Variants in RAB5IF observed in about 807,000 individuals in gnomAD.
RAB5IF encodes GEL complex subunit OPTI.
RAB5IF carries 15 observed loss-of-function variants against 20.3 expected under a neutral mutation model. The ratio of observed to expected loss-of-function variants is 0.74; its 90% confidence interval spans 0.50 to 1.14. The LOEUF is 1.14. Ranked by LOEUF, RAB5IF falls within the 50% of genes most tolerant of loss-of-function variation. The pLI, the probability that RAB5IF is intolerant of heterozygous loss-of-function variation, is 0.00. For synonymous variants in RAB5IF, 67 were observed against 63.7 expected (o/e 1.05, Z -0.25); for missense variants, 148 against 159.5 (o/e 0.93, Z 0.39).
At chr20:36,606,551 T>G (rs1033453405) in intron 1 of RAB5IF, among the ~76,000 whole-genome samples, 4 of 152,182 alleles carry the variant, frequency 2.6e-5, no homozygotes, top group African/African-American at 9.7e-5. Flanking sequence ...TGTGGTACAT[T>G]AAAGCCTTTT....
rs60975859 is a variant in RAB5IF at position 36,611,493 on chromosome 20, C to CAAA, written c.349-497_349-495dup. Among the ~76,000 whole-genome samples the CAAA allele has an allele frequency of 6.7e-3, 311 of 46,410 alleles. 3 individuals are homozygous for CAAA. The highest frequency in any genetic ancestry group is 0.019 in the African/African-American group (280 of 14,410). 30.4% of individuals were successfully genotyped at this position (46,410 alleles called of 152,430 possible). A position where few individuals can be genotyped will look rare whatever the true frequency, so the allele number is the denominator to read the frequency against. On this transcript the variant is annotated intron_variant, in intron 3 of 3. Coordinates refer to ENST00000344795, the MANE Select transcript of RAB5IF (RefSeq NM_018840.5). ...GTACCTGTTGAGTCCCAGCAGGACT[C>CAAA]AAAAAAAAAAAAAAAAAAAAAACCA...
chr20:36,610,176 C>T (rs575414995), intron 3 of RAB5IF, among the ~76,000 whole-genome samples: 47 of 151,144 alleles, frequency 3.1e-4, no homozygotes, highest in African/African-American at 1.1e-3. Context: ...CCCAGCTACT[C>T]CGGAGGCCGA....
Position 36,612,095 on chromosome 20 carries a change from CT to C in RAB5IF, c.*45del, listed in dbSNP as rs924073294. The C allele has an allele frequency of 3.1e-6, 5 of 1,614,074 alleles. No individual in the cohort carries two copies. The African/African-American group carries it at 6.7e-5, about 22-fold the overall frequency. ...TGCTCCCTATCCAGTCCAAAGGACC[CT>C]CTTGATTACAGCACAGGAACTTGAT... On this transcript the variant is annotated 3_prime_UTR_variant, in exon 4 of 4. Transcript: ENST00000344795.
intron 3 of RAB5IF, 166 bp downstream of exon 3, chr20:36,609,896 T>A (rs776700716): frequency 2.5e-6 from 3 of 1,185,306 alleles, no homozygotes; most frequent in Non-Finnish European, 3.6e-6. Context: ...TCCCAGAAGA[T>A]GTGGTCTGAT....
chr20:36,607,893 A>G, intron 2 of RAB5IF, 75 bp downstream of exon 2: 2 of 1,590,986 alleles, frequency 1.3e-6, no homozygotes, highest in South Asian at 1.1e-5. Context: ...GTTACAGGAA[A>G]GGCCATTGCT....
At position 36,606,044 on chromosome 20, in the gene RAB5IF, C is replaced by G; in HGVS notation, c.93C>G (p.Ser31Arg). 6.6e-7 allele frequency: 1 copy of G among 1,514,686 alleles called. No individual in the cohort carries two copies. The highest frequency in any genetic ancestry group is 1.8e-4 in the Middle Eastern group (1 of 5,474). The allele number at this position is 1,514,686 out of a possible 1,614,324, so 93.8% of individuals were successfully genotyped here. A position where few individuals can be genotyped will look rare whatever the true frequency, so the allele number is the denominator to read the frequency against. Residue 31 changes from serine to arginine, a missense_variant, in exon 1 of 4, where the codon AGC (serine) becomes AGG (arginine). Ser to Arg is a moderately radical substitution (Grantham distance 110, BLOSUM62 -1). Coordinates refer to ENST00000344795, the MANE Select transcript of RAB5IF (RefSeq NM_018840.5). ...CCGTCTGGAGTAAGGTGCTGCGGAG[C>G]GACGCGGCCTGGGAGGATAAGGTAC... ...KVSVWSKVLR[S>R]DAAWEDKDEF...
chr20:36,609,544 G>A (rs2039058997), intron 2 of RAB5IF, 57 bp from the exon 3 acceptor site: 7 of 1,524,980 alleles, frequency 4.6e-6, no homozygotes, highest in Non-Finnish European at 6.2e-6. Flanking sequence ...CCGGCCCCGA[G>A]TTCTGAGTCT....
intron 1 of RAB5IF, 71 bp from the exon 2 acceptor site, chr20:36,607,644 A>G: frequency 1.9e-6 from 3 of 1,576,256 alleles, no homozygotes; most frequent in Non-Finnish European, 2.6e-6. Flanking sequence ...AGAAAGGTTT[A>G]ATATTCTCCC....
At chr20:36,610,729 C>G (rs1600807947) in intron 3 of RAB5IF, among the ~76,000 whole-genome samples, 1 of 151,626 alleles carries the variant, frequency 6.6e-6, no homozygotes, top group Admixed American at 6.6e-5. Context: ...AGTCCTGATA[C>G]ATGCTATATA....
intron 2 of RAB5IF, 119 bp downstream of exon 2, chr20:36,607,937 G>A: frequency 6.5e-7 from 1 of 1,533,492 alleles, no homozygotes; most frequent in Non-Finnish European, 8.8e-7. Flanking sequence ...GATGACTAAA[G>A]CAAAGAAGCA....
In RAB5IF at chr20:36,612,129, G is replaced by T; in HGVS notation, c.*78G>T. 6.2e-7 allele frequency: 1 copy of T among 1,614,170 alleles called. No individual in the cohort carries two copies. The highest frequency in any genetic ancestry group is 1.3e-5 in the African/African-American group (1 of 75,034). ...ACAGCACAGGAACTTGATCGTTGGG[G>T]AACCCCAGCCCCTTGGAACTTGGAA... On this transcript the variant is annotated 3_prime_UTR_variant, in exon 4 of 4. Coordinates refer to ENST00000344795, the MANE Select transcript of RAB5IF (RefSeq NM_018840.5).
rs2039143834 is a variant in RAB5IF, at chr20:36,612,272, C to CATCA, written c.*222_*225dup. 8.4e-6 allele frequency: 13 copies of CATCA among 1,543,426 alleles called. No individual in the cohort carries two copies. Among genetic ancestry groups the CATCA allele is most frequent in the South Asian group, 1.1e-5 (1 of 89,584 alleles). On this transcript the variant is annotated 3_prime_UTR_variant, in exon 4 of 4. Transcript: ENST00000344795. Reference sequence around the variant, plus strand: ...TTGGGGAAGCATTTCTGAATTTATCCATCACCAACCATTTCTTCTTGGATA... The same window carrying CATCA: ...TTGGGGAAGCATTTCTGAATTTATCCATCAATCACCAACCATTTCTTCTTGGATA...
intron 1 of RAB5IF, among the ~76,000 whole-genome samples, chr20:36,606,485 C>T (rs1012146410): frequency 6.6e-6 from 1 of 152,198 alleles, no homozygotes; most frequent in Non-Finnish European, 1.5e-5. Flanking sequence ...TTCTACGTGC[C>T]AGGTGCTCTG....
At chr20:36,608,940 C>T (rs1176128523) in intron 2 of RAB5IF, among the ~76,000 whole-genome samples, 1 of 151,614 alleles carries the variant, frequency 6.6e-6, no homozygotes, top group Admixed American at 6.6e-5. Context: ...CATCCCGTAG[C>T]AATAACAGAC....
Position 36,612,290 on chromosome 20 carries a change from C to A in RAB5IF, c.*239C>A. On this transcript the variant is annotated 3_prime_UTR_variant, in exon 4 of 4. Transcript: ENST00000344795. Reference sequence around the variant, plus strand: ...ATTTATCCATCACCAACCATTTCTTCTTGGATACCATCAAGTAACAGCTAT... The same window carrying A: ...ATTTATCCATCACCAACCATTTCTTATTGGATACCATCAAGTAACAGCTAT... 1 of 1,448,362 alleles carries A rather than the reference C, an allele frequency of 6.9e-7. No individual in the cohort carries two copies. The highest frequency in any genetic ancestry group is 9.7e-7 in the Non-Finnish European group (1 of 1,030,524). 89.7% of individuals were successfully genotyped at this position (1,448,362 alleles called of 1,614,324 possible).
intron 1 of RAB5IF, 142 bp downstream of exon 1, chr20:36,606,207 C>G: frequency 4.1e-6 from 2 of 482,088 alleles, no homozygotes; most frequent in Non-Finnish European, 7.1e-6. Flanking sequence ...GGTGTCAGAG[C>G]AAACTTGGCG....
chr20:36,612,205 T>G lies in RAB5IF; in HGVS notation c.*154T>G, dbSNP rs555687131. Reference sequence around the variant, plus strand: ...CAGTGTGTTGGGCATCAGTGTTTTCTGCAAGGGTTGTGACCTGAAACTTTT... The same window carrying G: ...CAGTGTGTTGGGCATCAGTGTTTTCGGCAAGGGTTGTGACCTGAAACTTTT... On this transcript the variant is annotated 3_prime_UTR_variant, in exon 4 of 4. Transcript: ENST00000344795. The G allele has an allele frequency of 6.2e-7, 1 of 1,614,216 alleles. No individual in the cohort carries two copies. The highest frequency in any genetic ancestry group is 8.5e-7 in the Non-Finnish European group (1 of 1,180,030).
chr20:36,606,113 C>T (rs1192801923), intron 1 of RAB5IF, 48 bp downstream of exon 1: 1 of 1,165,086 alleles, frequency 8.6e-7, no homozygotes, highest in Non-Finnish European at 1.2e-6. Flanking sequence ...TCGGCTGGGA[C>T]TCGGGGAACG....
At position 36,608,404 on chromosome 20, in the gene RAB5IF, C is replaced by A. The variant is rs996319269; in HGVS notation, c.218+586C>A. Among the ~76,000 whole-genome samples, 3 of 151,978 alleles carry A rather than the reference C, an allele frequency of 2.0e-5. No homozygotes were observed. The South Asian group carries it at 6.2e-4, about 31-fold the overall frequency. ...GAACTACAGGTGTGAGCCACCACAC[C>A]TGGCTAATTTTTAAAAATTTTGTAG... On this transcript the variant is annotated intron_variant, in intron 2 of 3. Coordinates refer to ENST00000344795, the MANE Select transcript of RAB5IF (RefSeq NM_018840.5).
Sources: allele counts gnomAD v4.1 joint callset (sites outside exome capture counted in the v4.1 genomes callset), GRCh38; gene constraint gnomAD v4.1.1; transcripts MANE v1.5; gene names NCBI Gene and HGNC (gene_info 2026-07-23, HGNC 2026-07-21).